Variants in MNAT1 observed in about 807,000 individuals in gnomAD.
MNAT1 encodes the protein MNAT1 component of CDK activating kinase.
In MNAT1, 43 loss-of-function variants were observed where a neutral mutation model predicts 42.0. The observed-to-expected ratio is 1.02, with a 90% CI of 0.80 to 1.32. The LOEUF (loss-of-function observed/expected upper bound fraction) is 1.32. Among genes scored for constraint, MNAT1 ranks in the 40% most tolerant of loss-of-function variants. The pLI is 0.00. For synonymous variants in MNAT1, 118 were observed against 120.0 expected (o/e 0.98, Z 0.11); for missense variants, 306 against 350.4 (o/e 0.87, Z 1.01).
intron 7 of MNAT1, among the ~76,000 whole-genome samples, chr14:60,894,849 C>T (rs370059846): frequency 3.7e-4 from 57 of 152,224 alleles, no homozygotes; most frequent in South Asian, 1.5e-3. Context: ...CAAATTGTTA[C>T]GATTACAAAT....
rs145325988 is a variant in MNAT1, at chr14:60,795,248, C to A, written c.90-969C>A. ...TTGCCAGCAGCCTATACCCTCAAGA[C>A]TCAGAGGCTAAAGGAACTGCTCTCT... On this transcript the variant is annotated intron_variant, in intron 1 of 7. Coordinates refer to ENST00000261245, the MANE Select transcript of MNAT1 (RefSeq NM_002431.4). Among the ~76,000 whole-genome samples, 18 of 152,294 alleles carry A rather than the reference C, an allele frequency of 1.2e-4. No homozygotes were observed. The East Asian group carries it at 3.5e-3, about 29-fold the overall frequency.
chr14:60,792,786 G>A (rs1413712762), intron 1 of MNAT1, among the ~76,000 whole-genome samples: 3 of 152,254 alleles, frequency 2.0e-5, no homozygotes, highest in African/African-American at 7.2e-5. Context: ...AGAGAAAAAG[G>A]ATGTCATTCT....
intron 1 of MNAT1, among the ~76,000 whole-genome samples, chr14:60,787,357 A>AGC (rs2031683206): frequency 6.6e-6 from 1 of 152,192 alleles, no homozygotes; most frequent in Admixed American, 6.5e-5. Flanking sequence ...TAATTAAAAT[A>AGC]TACTTTACTG....
intron 7 of MNAT1, among the ~76,000 whole-genome samples, chr14:60,946,999 T>G (rs886571331): frequency 6.6e-6 from 1 of 152,184 alleles, no homozygotes; most frequent in Non-Finnish European, 1.5e-5. Flanking sequence ...TTCTCTGGTA[T>G]CTGTTCTTGT....
intron 7 of MNAT1, among the ~76,000 whole-genome samples, chr14:60,952,058 A>C (rs2036393954): frequency 1.3e-5 from 2 of 152,162 alleles, no homozygotes; most frequent in African/African-American, 4.8e-5. Context: ...TGTTTCATAG[A>C]CAGAAGAGTA....
chr14:60,963,719 G>A (rs2097234552), intron 7 of MNAT1, among the ~76,000 whole-genome samples: 1 of 152,062 alleles, frequency 6.6e-6, no homozygotes. Context: ...TAAAAAAACG[G>A]GCCACCTTGT....
chr14:60,872,438 C>T (rs1191974914), intron 6 of MNAT1, among the ~76,000 whole-genome samples: 3 of 152,164 alleles, frequency 2.0e-5, no homozygotes, highest in Non-Finnish European at 2.9e-5. Context: ...TGTTAATCAG[C>T]TCTCTCTGGT....
At chr14:60,813,666 A>T (rs1441064705) in intron 5 of MNAT1, among the ~76,000 whole-genome samples, 1 of 152,148 alleles carries the variant, frequency 6.6e-6, no homozygotes, top group African/African-American at 2.4e-5. Flanking sequence ...TACTGGGGAA[A>T]ACTATGTTTT....
chr14:60,924,383 T>TA (rs5809071), intron 7 of MNAT1, among the ~76,000 whole-genome samples: 1,948 of 130,196 alleles, frequency 0.015, 48 homozygotes, highest in African/African-American at 0.048. Context: ...AGTGCCTGTT[T>TA]AAAAAAAAAA....
At chr14:60,808,474 G>T (rs1566775014) in intron 4 of MNAT1, 46 bp downstream of exon 4, 11 of 1,147,704 alleles carry the variant, frequency 9.6e-6, no homozygotes, top group Non-Finnish European at 1.4e-5. Context: ...AGAAACAAAT[G>T]TTTCCACATG....
chr14:60,902,719 C>T (rs1368669232), intron 7 of MNAT1, among the ~76,000 whole-genome samples: 1 of 152,044 alleles, frequency 6.6e-6, no homozygotes, highest in East Asian at 1.9e-4. Flanking sequence ...TTAAAATATA[C>T]TTAGTTTTTA....
At chr14:60,880,378 G>C (rs763377197) in intron 7 of MNAT1, among the ~76,000 whole-genome samples, 1 of 152,116 alleles carries the variant, frequency 6.6e-6, no homozygotes, top group African/African-American at 2.4e-5. Context: ...TGGAGAGATG[G>C]TTATAGTCTC....
intron 7 of MNAT1, among the ~76,000 whole-genome samples, chr14:60,940,311 C>G (rs924250375): frequency 6.6e-6 from 1 of 152,214 alleles, no homozygotes; most frequent in Non-Finnish European, 1.5e-5. Flanking sequence ...TTAGTTGATG[C>G]AGTTTCTTCC....
At chr14:60,796,912 C>T (rs754643969) in intron 2 of MNAT1, among the ~76,000 whole-genome samples, 1 of 151,818 alleles carries the variant, frequency 6.6e-6, no homozygotes, top group African/African-American at 2.4e-5. Flanking sequence ...GAGAAAATTA[C>T]GTGTTAGCTA....
chr14:60,848,304 G>A (rs1050828236), intron 6 of MNAT1, among the ~76,000 whole-genome samples: 10 of 152,112 alleles, frequency 6.6e-5, no homozygotes, highest in African/African-American at 2.2e-4. Context: ...TGTGTGATAA[G>A]TATTTTCTCT....
intron 7 of MNAT1, among the ~76,000 whole-genome samples, chr14:60,942,406 T>C (rs762480226): frequency 6.6e-6 from 1 of 151,552 alleles, no homozygotes; most frequent in Non-Finnish European, 1.5e-5. Context: ...CCATTTGCTG[T>C]CACAAGAAAG....
chr14:60,867,487 A>T (rs1399956129), intron 6 of MNAT1, among the ~76,000 whole-genome samples: 2 of 152,110 alleles, frequency 1.3e-5, no homozygotes, highest in Non-Finnish European at 2.9e-5. Flanking sequence ...CCAAACATAC[A>T]TTCAGAAAAA....
At chr14:60,935,611 G>C (rs2035978980) in intron 7 of MNAT1, among the ~76,000 whole-genome samples, 1 of 152,044 alleles carries the variant, frequency 6.6e-6, no homozygotes, top group East Asian at 1.9e-4. Context: ...AATGTGTTTG[G>C]ACATTGTGAA....
intron 3 of MNAT1, among the ~76,000 whole-genome samples, chr14:60,802,041 T>C (rs1194802763): frequency 6.6e-6 from 1 of 152,182 alleles, no homozygotes; most frequent in Non-Finnish European, 1.5e-5. Flanking sequence ...AAATATGGCA[T>C]GGTCTCACTT....
Sources: allele counts gnomAD v4.1 joint callset (sites outside exome capture counted in the v4.1 genomes callset), GRCh38; gene constraint gnomAD v4.1.1; transcripts MANE v1.5; gene names NCBI Gene and HGNC (gene_info 2026-07-23, HGNC 2026-07-21).